Variants in RB1CC1 observed in about 807,000 individuals in gnomAD.
RB1CC1 encodes the protein RB1 inducible coiled-coil 1.
In RB1CC1, 46 loss-of-function variants were observed where a neutral mutation model predicts 177.5. The ratio of observed to expected loss-of-function variants is 0.26; its 90% CI spans 0.20 to 0.33. The LOEUF (loss-of-function observed/expected upper bound fraction) is 0.33. Ranked by LOEUF, RB1CC1 falls within the 10% of genes least tolerant of loss-of-function variation. The probability of loss-of-function intolerance (pLI) is 1.00; values close to 1 mark genes in which losing one functional copy is unlikely to be tolerated. For synonymous variants in RB1CC1, 666 were observed against 613.6 expected (o/e 1.09, Z -1.26); for missense variants, 1,703 against 1,816.3 (o/e 0.94, Z 1.13).
chr8:52,672,530 C>G (rs1852695971), intron 7 of RB1CC1, among the ~76,000 whole-genome samples: 1 of 152,114 alleles, frequency 6.6e-6, no homozygotes. Flanking sequence ...ACTGCTTGAG[C>G]CCGGCAATCT....
At chr8:52,630,861 G>A (rs530622446) in intron 20 of RB1CC1, among the ~76,000 whole-genome samples, 2 of 152,294 alleles carry the variant, frequency 1.3e-5, no homozygotes, top group Admixed American at 6.5e-5. Flanking sequence ...AAACAACAAT[G>A]TTGGAAACAA....
chr8:52,655,988 A>G lies in RB1CC1; in HGVS notation c.3821+20T>C. 2 of 1,523,474 alleles carry G rather than the reference A, an allele frequency of 1.3e-6. No homozygotes were observed. Among genetic ancestry groups the G allele is most frequent in the South Asian group, 1.2e-5 (1 of 84,868 alleles). The allele number at this position is 1,523,474 out of a possible 1,614,324, so 94.4% of individuals were successfully genotyped here. ...ACTGATATTTTAATTTTATAATTAC[A>G]GACTAAACTTAATTCTTACCTTTTT... On this transcript the variant is annotated intron_variant, in intron 15 of 23. Coordinates refer to ENST00000025008, the MANE Select transcript of RB1CC1 (RefSeq NM_014781.5).
chr8:52,658,318 C>G (rs547386272), intron 13 of RB1CC1, among the ~76,000 whole-genome samples, 194 bp from the exon 14 acceptor site: 1 of 152,218 alleles, frequency 6.6e-6, no homozygotes, highest in Admixed American at 6.5e-5. Flanking sequence ...GTGGATCACA[C>G]CTATAATCCA....
chr8:52,667,979 A>G (rs779032126), intron 8 of RB1CC1, 42 bp downstream of exon 8: 1 of 1,572,892 alleles, frequency 6.4e-7, no homozygotes, highest in Non-Finnish European at 8.6e-7. Flanking sequence ...TGTACAAAAA[A>G]ACTATAAATT....
intron 15 of RB1CC1, among the ~76,000 whole-genome samples, chr8:52,651,375 G>T (rs1464162090): frequency 6.6e-6 from 1 of 152,214 alleles, no homozygotes; most frequent in Non-Finnish European, 1.5e-5. Flanking sequence ...TCTCACTGCT[G>T]TCTTGCTAAA....
intron 8 of RB1CC1, among the ~76,000 whole-genome samples, chr8:52,662,243 C>A (rs1031273463): frequency 1.3e-5 from 2 of 152,066 alleles, no homozygotes; most frequent in African/African-American, 4.8e-5. Context: ...ATTGCTAGGA[C>A]AATGACTGAA....
At position 52,656,436 on chromosome 8, in the gene RB1CC1, A is replaced by C. The variant is rs895573609; in HGVS notation, c.3393T>G (p.Ile1131Met). Residue 1131 changes from isoleucine to methionine, a missense_variant, in exon 15 of 24, where the codon ATT (isoleucine) becomes ATG (methionine). Physicochemically the swap from Ile to Met is conservative, Grantham distance 10 (BLOSUM62 1). Around this residue, in one of 6 missense-constraint regions of RB1CC1, gnomAD observed 1,169 missense variants for 1,184.7 expected, o/e 0.99. Transcript: ENST00000025008. ...GLAELRTLMTIEKDQCISELI... is the reference protein window; with the variant it reads ...GLAELRTLMTMEKDQCISELI... The stretch of plus-strand genomic sequence containing the variant: ...ACTCGGAAATACACTGATCTTTTTC[A>C]ATTGTCATTAAAGTTCTTAGCTCTG... The C allele has an allele frequency of 6.2e-7, 1 of 1,611,308 alleles. No individual in the cohort carries two copies. Among genetic ancestry groups the C allele is most frequent in the Non-Finnish European group, 8.5e-7 (1 of 1,179,598 alleles).
chr8:52,628,531 C>T (rs996711664), intron 21 of RB1CC1, among the ~76,000 whole-genome samples: 3 of 152,168 alleles, frequency 2.0e-5, no homozygotes, highest in Admixed American at 6.5e-5. Context: ...TTCAGAGAGA[C>T]ATCTCATATA....
rs1333714567 is a variant in RB1CC1, at chr8:52,657,193, T to A, written c.2636A>T (p.Asp879Val). 1.9e-6 allele frequency: 3 copies of A among 1,602,786 alleles called. No homozygotes were observed. Among genetic ancestry groups the A allele is most frequent in the Non-Finnish European group, 2.6e-6 (3 of 1,171,198 alleles). ...CTCTTCAGTTTCCTTTATTAGTCCG[T>A]CAAGTTTACCTTCATATTCATTTTT... ...SLKNEYEGKL[D>V]GLIKETEENE... is the part of the protein sequence containing the mutation. Residue 879 changes from aspartate to valine, a missense_variant, in exon 15 of 24, where the codon GAC (aspartate) becomes GTC (valine). Asp to Val is a radical substitution (Grantham distance 152, BLOSUM62 -3). This residue lies in a region of RB1CC1 where 1,169 missense variants were observed against 1,184.7 expected (regional missense o/e 0.99). Coordinates refer to ENST00000025008, the MANE Select transcript of RB1CC1 (RefSeq NM_014781.5).
chr8:52,680,588 T>G (rs1156345903), intron 5 of RB1CC1, among the ~76,000 whole-genome samples: 1 of 152,166 alleles, frequency 6.6e-6, no homozygotes, highest in Non-Finnish European at 1.5e-5. Context: ...GTCAAAAGAA[T>G]GTACTAGGAC....
intron 15 of RB1CC1, among the ~76,000 whole-genome samples, chr8:52,655,126 T>C (rs1309605261): frequency 6.6e-6 from 1 of 152,154 alleles, no homozygotes; most frequent in African/African-American, 2.4e-5. Flanking sequence ...AATTCCTCTA[T>C]TAAACCCTCT....
chr8:52,628,452 A>T (rs1319657884), intron 21 of RB1CC1, among the ~76,000 whole-genome samples: 1 of 152,202 alleles, frequency 6.6e-6, no homozygotes, highest in African/African-American at 2.4e-5. Flanking sequence ...AAGCAGAAAA[A>T]GCACCCATTA....
At position 52,624,620 on chromosome 8, in the gene RB1CC1, A is replaced by G. The variant is rs925932833; in HGVS notation, c.4707+97T>C. On this transcript the variant is annotated intron_variant, in intron 23 of 23. Coordinates refer to ENST00000025008, the MANE Select transcript of RB1CC1 (RefSeq NM_014781.5). ...TCAAGCTCTAACTGAAATGAGCATAAAGGCCAAGAACAGCAGTGGTAATGA... is the reference window on the plus strand; with the variant it reads ...TCAAGCTCTAACTGAAATGAGCATAGAGGCCAAGAACAGCAGTGGTAATGA... 19 of 998,612 alleles carry G rather than the reference A, an allele frequency of 1.9e-5. No individual in the cohort carries two copies. In the South Asian group the frequency reaches 2.8e-4, roughly 15 times the overall value. The allele number at this position is 998,612 out of a possible 1,614,324, so 61.9% of individuals were successfully genotyped here.
chr8:52,672,919 C>T (rs1852740297), intron 7 of RB1CC1, among the ~76,000 whole-genome samples: 1 of 152,162 alleles, frequency 6.6e-6, no homozygotes, highest in South Asian at 2.1e-4. Flanking sequence ...TTACATACTT[C>T]TCTGGCAAAC....
Position 52,673,890 on chromosome 8 carries a change from A to C in RB1CC1, c.957T>G (p.Asn319Lys), listed in dbSNP as rs1169905740. 1 of 1,614,036 alleles carries C rather than the reference A, an allele frequency of 6.2e-7. No individual in the cohort carries two copies. Among genetic ancestry groups the C allele is most frequent in the African/African-American group, 1.3e-5 (1 of 75,054 alleles). The change falls in exon 7 of 24, where the codon AAT becomes AAG. Residue 319 changes from asparagine to lysine, a missense_variant. Asn to Lys is a moderately conservative substitution (Grantham distance 94). Transcript: ENST00000025008. ...ACTTCCTGACCAAAGATTCCACATCATTAGGTCTATCTTGAACATTTATCC... is the reference window on the plus strand; with the variant it reads ...ACTTCCTGACCAAAGATTCCACATCCTTAGGTCTATCTTGAACATTTATCC... ...LDWINVQDRPNDVESLVRKCF... is the reference protein window; with the variant it reads ...LDWINVQDRPKDVESLVRKCF...
chr8:52,623,927 C>T (rs573820072), intron 23 of RB1CC1, 68 bp from the exon 24 acceptor site: 2 of 1,006,670 alleles, frequency 2.0e-6, no homozygotes, highest in South Asian at 1.3e-5. Context: ...CACACACACA[C>T]ACACACACCC....
chr8:52,634,965 A>G lies in RB1CC1; in HGVS notation c.4396T>C (p.Leu1466=). 1.2e-6 allele frequency: 2 copies of G among 1,609,178 alleles called. No homozygotes were observed. Among genetic ancestry groups the G allele is most frequent in the Middle Eastern group, 1.7e-4 (1 of 6,020 alleles). ...KQRIMLLERT[L]QLKEEENKRL... is the part of the protein sequence containing the mutation. Reference sequence around the variant, plus strand: ...TTATTTTCTTCTTCTTTCAATTGCAATGTCTGCAGGTGGAAAAAAGAGACC... The same window carrying G: ...TTATTTTCTTCTTCTTTCAATTGCAGTGTCTGCAGGTGGAAAAAAGAGACC... Residue 1466 remains leucine (L), a synonymous_variant, in exon 20 of 24, where the codon TTG becomes CTG. Coordinates refer to ENST00000025008, the MANE Select transcript of RB1CC1 (RefSeq NM_014781.5).
rs752155332 is a variant in RB1CC1 at position 52,656,801 on chromosome 8, G to C, written c.3028C>G (p.His1010Asp). 1.9e-6 allele frequency: 3 copies of C among 1,613,654 alleles called. No homozygotes were observed. The highest frequency in any genetic ancestry group is 2.5e-6 in the Non-Finnish European group (3 of 1,179,968). Reference sequence around the variant, plus strand: ...TTTAATTCCTCCAAAGAAACTCTGTGGTCTGTCATAACCTTCTCAAACTCT... The same window carrying C: ...TTTAATTCCTCCAAAGAAACTCTGTCGTCTGTCATAACCTTCTCAAACTCT... ...IQEFEKVMTD[H>D]RVSLEELKKE... Residue 1010 changes from histidine (H) to aspartate (D), a missense_variant, in exon 15 of 24, where the codon CAC becomes GAC. By Grantham distance (81) the His-to-Asp change is moderately conservative (BLOSUM62 -1). This residue lies in a region of RB1CC1 where 1,169 missense variants were observed against 1,184.7 expected (regional missense o/e 0.99). Transcript: ENST00000025008.
chr8:52,653,198 A>G (rs1471176606), intron 15 of RB1CC1, among the ~76,000 whole-genome samples: 4 of 152,196 alleles, frequency 2.6e-5, no homozygotes, highest in Non-Finnish European at 4.4e-5. Context: ...TTCTTTACCA[A>G]GGCTTTGCAA....
Sources: gnomAD v4.1 joint callset for allele counts (sites outside exome capture counted in the v4.1 genomes callset) on GRCh38, gnomAD v4.1.1 for gene constraint, gnomAD v4.1.1 regional missense constraint, MANE v1.5 for transcripts, NCBI Gene and HGNC (gene_info 2026-07-23, HGNC 2026-07-21) for gene names.